Variants in NELL2 observed in about 807,000 individuals in gnomAD.
The protein encoded by NELL2 is protein kinase C-binding protein NELL2.
A neutral mutation model predicts 109.6 loss-of-function variants in NELL2; 41 were observed. The observed-to-expected ratio is 0.37, with a 90% confidence interval of 0.29 to 0.49. The LOEUF (loss-of-function observed/expected upper bound fraction) is 0.49. Ranked by LOEUF, NELL2 falls within the 20% of genes least tolerant of loss-of-function variation. The pLI, the probability that NELL2 is intolerant of heterozygous loss-of-function variation, is 0.98. For missense variants in NELL2, 900 were observed against 1,008.3 expected, an observed-to-expected ratio of 0.89 and a Z score of 1.45; for synonymous variants, 355 against 344.7, an observed-to-expected ratio of 1.03 and a Z score of -0.33.
At chr12:44,659,949 ATTTG>A (rs1947678945) in intron 13 of NELL2, among the ~76,000 whole-genome samples, 1 of 152,194 alleles carries the variant, frequency 6.6e-6, no homozygotes, top group African/African-American at 2.4e-5. Context: ...GGATAGTGTA[ATTTG>A]AGGGGCCCTA....
Position 44,607,396 on chromosome 12 carries a change from T to C in NELL2, c.1568-132A>G, listed in dbSNP as rs537282939. ...AAAAGCTATTTTAATTTTGTTTTCA[T>C]GTAATATTTCCCATACATTTAAGAA... On this transcript the variant is annotated intron_variant, in intron 14 of 19. Coordinates refer to ENST00000429094, the MANE Select transcript of NELL2 (RefSeq NM_001145108.2). 5 of 637,912 alleles carry C rather than the reference T, an allele frequency of 7.8e-6. No homozygotes were observed. In the East Asian group the frequency reaches 9.1e-5, roughly 12 times the overall value. The allele number at this position is 637,912 out of a possible 1,614,324, so 39.5% of individuals were successfully genotyped here.
At chr12:44,611,397 G>C (rs939639134) in intron 13 of NELL2, among the ~76,000 whole-genome samples, 1 of 152,018 alleles carries the variant, frequency 6.6e-6, no homozygotes, top group African/African-American at 2.4e-5. Context: ...GGATAATAAA[G>C]CTGAAGTTCT....
chr12:44,841,099 C>T (rs1428406852), intron 2 of NELL2, among the ~76,000 whole-genome samples: 1 of 152,154 alleles, frequency 6.6e-6, no homozygotes, highest in East Asian at 1.9e-4. Context: ...GACTGATGCA[C>T]ACCTTGTACA....
chr12:44,586,884 T>C (rs868743428), intron 15 of NELL2, among the ~76,000 whole-genome samples: 1 of 152,148 alleles, frequency 6.6e-6, no homozygotes, highest in Non-Finnish European at 1.5e-5. Flanking sequence ...TCAATACACA[T>C]GTGTGAAATA....
At chr12:44,684,550 C>T (rs1474959072) in intron 12 of NELL2, among the ~76,000 whole-genome samples, 1 of 151,968 alleles carries the variant, frequency 6.6e-6, no homozygotes, top group Non-Finnish European at 1.5e-5. Flanking sequence ...CTCTTGTGGG[C>T]AATTAGTGTT....
intron 19 of NELL2, among the ~76,000 whole-genome samples, chr12:44,514,379 C>T (rs1941152182): frequency 6.6e-6 from 1 of 151,846 alleles, no homozygotes. Context: ...TGCAGTTTAT[C>T]TTTCCACAGT....
upstream of NELL2, among the ~76,000 whole-genome samples, chr12:44,918,512 CATGTATGTGTGT>C (rs1159467077): frequency 8.8e-6 from 1 of 113,302 alleles, no homozygotes; most frequent in African/African-American, 3.8e-5. Flanking sequence ...TTCATGCATG[CATGTATGTGTGT>C]GTGTGTGTGT....
At chr12:44,901,561 C>T (rs1238489913) in intron 1 of NELL2, among the ~76,000 whole-genome samples, 1 of 152,168 alleles carries the variant, frequency 6.6e-6, no homozygotes, top group Admixed American at 6.5e-5. Flanking sequence ...AGGCCAGCCT[C>T]ATCCTGGTAC....
At chr12:44,572,601 T>A (rs189943162) in intron 15 of NELL2, among the ~76,000 whole-genome samples, 207 of 144,116 alleles carry the variant, frequency 1.4e-3, no homozygotes, top group African/African-American at 4.7e-3. Context: ...AGTGTTTCAA[T>A]GTTACTTGAT....
chr12:44,839,561 A>G (rs987525128), intron 2 of NELL2, among the ~76,000 whole-genome samples: 1 of 152,220 alleles, frequency 6.6e-6, no homozygotes, highest in African/African-American at 2.4e-5. Context: ...CTTTCCAAAA[A>G]GGGCTCTCAG....
intron 1 of NELL2, among the ~76,000 whole-genome samples, chr12:44,921,579 C>T (rs1945868219): frequency 6.6e-6 from 1 of 152,090 alleles, no homozygotes; most frequent in Non-Finnish European, 1.5e-5. Context: ...TGAATTAATA[C>T]ATGTAAAGCA....
chr12:44,667,633 C>T (rs1174642691), intron 12 of NELL2, among the ~76,000 whole-genome samples: 1 of 152,162 alleles, frequency 6.6e-6, no homozygotes, highest in Non-Finnish European at 1.5e-5. Flanking sequence ...ATCTCCTCGA[C>T]AGACAAGGAT....
At chr12:44,590,827 A>G (rs1944716729) in intron 15 of NELL2, among the ~76,000 whole-genome samples, 1 of 152,148 alleles carries the variant, frequency 6.6e-6, no homozygotes, top group Non-Finnish European at 1.5e-5. Context: ...AAGGGAGTGA[A>G]GAGACCACCT....
chr12:44,604,963 G>T (rs1207347549), intron 15 of NELL2, among the ~76,000 whole-genome samples: 1 of 152,126 alleles, frequency 6.6e-6, no homozygotes, highest in Admixed American at 6.5e-5. Flanking sequence ...GGACAAGAGG[G>T]AAATTGCTCC....
intron 15 of NELL2, among the ~76,000 whole-genome samples, chr12:44,605,427 C>A (rs1945363703): frequency 6.6e-6 from 1 of 152,130 alleles, no homozygotes; most frequent in Admixed American, 6.5e-5. Context: ...GTTCTCAAAG[C>A]CCTTGGCTGC....
intron 9 of NELL2, among the ~76,000 whole-genome samples, chr12:44,764,187 G>T (rs781463798): frequency 3.2e-4 from 48 of 152,214 alleles, no homozygotes; most frequent in Non-Finnish European, 6.3e-4. Context: ...ATCAAGGTAG[G>T]TCTAAACCTT....
At chr12:44,690,964 T>C (rs1948879764) in intron 12 of NELL2, among the ~76,000 whole-genome samples, 2 of 152,160 alleles carry the variant, frequency 1.3e-5, no homozygotes, top group African/African-American at 2.4e-5. Flanking sequence ...TTCTTCCCTA[T>C]ATAGCATCCA....
chr12:44,866,490 G>A (rs1404528253), intron 2 of NELL2, among the ~76,000 whole-genome samples: 16 of 151,872 alleles, frequency 1.1e-4, no homozygotes, highest in Admixed American at 1.0e-3. Flanking sequence ...AGTTTTCAGA[G>A]GTAAGTTTAT....
At chr12:44,902,562 C>A (rs987135092) in intron 1 of NELL2, among the ~76,000 whole-genome samples, 5 of 152,114 alleles carry the variant, frequency 3.3e-5, no homozygotes, top group African/African-American at 9.7e-5. Flanking sequence ...CTTTAAATTT[C>A]ATATGGAACC....
Sources: allele counts gnomAD v4.1 joint callset (sites outside exome capture counted in the v4.1 genomes callset), GRCh38; gene constraint gnomAD v4.1.1; transcripts MANE v1.5; gene names NCBI Gene and HGNC (gene_info 2026-07-23, HGNC 2026-07-21).